The following NECAB1 variants were observed in gnomAD, a reference collection of about 807,000 sequenced individuals.
NECAB1 encodes the protein N-terminal EF-hand calcium binding protein 1.
NECAB1 carries 29 observed loss-of-function variants against 57.5 expected under a neutral mutation model. The ratio of observed to expected loss-of-function variants is 0.50; its 90% confidence interval spans 0.38 to 0.69. The LOEUF (loss-of-function observed/expected upper bound fraction) is 0.69. Ranked by LOEUF, NECAB1 falls within the 30% of genes least tolerant of loss-of-function variation. The pLI is 0.00. For synonymous variants in NECAB1, 142 were observed against 147.7 expected (o/e 0.96, Z 0.28); for missense variants, 372 against 413.8 (o/e 0.90, Z 0.88).
rs145315002 is a variant in NECAB1, at chr8:90,848,147, T to C, written c.233+23322T>C. Among the ~76,000 whole-genome samples the C allele has an allele frequency of 1.3e-3, 196 of 152,306 alleles. 3 individuals carry two copies. The highest frequency in any genetic ancestry group is 4.2e-3 in the African/African-American group (176 of 41,558). On this transcript the variant is annotated intron_variant, in intron 3 of 12. Transcript: ENST00000417640. ...TCTCCATCAGATACCCTAAATCATC[T>C]CTCTCAAGTTCAAAATTCCACATAT...
At chr8:90,866,026 T>A (rs1808506462) in intron 3 of NECAB1, among the ~76,000 whole-genome samples, 1 of 152,168 alleles carries the variant, frequency 6.6e-6, no homozygotes. Context: ...CAAATATAAT[T>A]CATGGAATTA....
At chr8:90,895,906 A>G (rs1329385156) in intron 5 of NECAB1, among the ~76,000 whole-genome samples, 2 of 152,208 alleles carry the variant, frequency 1.3e-5, no homozygotes, top group Non-Finnish European at 2.9e-5. Context: ...TCTCATGTAA[A>G]TCAGAGGCAC....
intron 2 of NECAB1, among the ~76,000 whole-genome samples, chr8:90,806,263 T>G (rs1811845352): frequency 6.6e-6 from 1 of 152,186 alleles, no homozygotes; most frequent in Non-Finnish European, 1.5e-5. Flanking sequence ...TCCTCAGGAC[T>G]TTAGTCCAAT....
At chr8:90,874,616 T>G (rs1463766606) in intron 4 of NECAB1, among the ~76,000 whole-genome samples, 1 of 152,228 alleles carries the variant, frequency 6.6e-6, no homozygotes, top group Non-Finnish European at 1.5e-5. Context: ...GAGATTATAC[T>G]ATATGATTAG....
rs542224580 is a variant in NECAB1, at chr8:90,917,787, T to G, written c.494+159T>G. On this transcript the variant is annotated intron_variant, in intron 6 of 12. Coordinates refer to ENST00000417640, the MANE Select transcript of NECAB1 (RefSeq NM_022351.5). ...TCCACTGGTTGCTTGCCTTATTATT[T>G]GCCTCTAAAAAGACCATTCTACTTT... Among the ~76,000 whole-genome samples, 34 of 145,324 alleles carry G rather than the reference T, an allele frequency of 2.3e-4. No homozygotes were observed. In the South Asian group the frequency reaches 6.6e-3, roughly 28 times the overall value.
chr8:90,956,630 A>C lies in NECAB1; in HGVS notation c.*1118A>C, dbSNP rs1197452265. On this transcript the variant is annotated 3_prime_UTR_variant, in exon 13 of 13. Coordinates refer to ENST00000417640, the MANE Select transcript of NECAB1 (RefSeq NM_022351.5). Reference sequence around the variant, plus strand: ...CTAATGAAAATACAATACATATAAAAATGTATAGCCATGTTATTTTCTAGT... The same window carrying C: ...CTAATGAAAATACAATACATATAAACATGTATAGCCATGTTATTTTCTAGT... The C allele has an allele frequency of 6.6e-6, 1 of 151,884 alleles. No homozygotes were observed. Among genetic ancestry groups the C allele is most frequent in the African/African-American group, 2.4e-5 (1 of 41,384 alleles). 9.4% of individuals were successfully genotyped at this position (151,884 alleles called of 1,614,324 possible). A position where few individuals can be genotyped will look rare whatever the true frequency, so the allele number is the denominator to read the frequency against.
chr8:90,794,671 C>T (rs1220615223), intron 1 of NECAB1, among the ~76,000 whole-genome samples: 5 of 152,166 alleles, frequency 3.3e-5, no homozygotes, highest in African/African-American at 1.2e-4. Flanking sequence ...CTCTCCAAAT[C>T]AGCAATAGTA....
At chr8:90,812,078 C>G (rs1433097303) in intron 2 of NECAB1, among the ~76,000 whole-genome samples, 2 of 152,156 alleles carry the variant, frequency 1.3e-5, no homozygotes, top group Non-Finnish European at 2.9e-5. Flanking sequence ...GCAAAATTAA[C>G]AGATGTTCCT....
intron 5 of NECAB1, among the ~76,000 whole-genome samples, chr8:90,913,062 G>A (rs1809865687): frequency 6.6e-6 from 1 of 152,112 alleles, no homozygotes; most frequent in Non-Finnish European, 1.5e-5. Context: ...TTTTCAAACA[G>A]GGAAGACTGA....
chr8:90,794,472 AC>A (rs1457095063), intron 1 of NECAB1, among the ~76,000 whole-genome samples: 5 of 152,148 alleles, frequency 3.3e-5, no homozygotes, highest in African/African-American at 1.2e-4. Context: ...TTTGAGGAAA[AC>A]TTTGATTTGC....
At chr8:90,947,268 G>A (rs148057690) in intron 10 of NECAB1, among the ~76,000 whole-genome samples, 1 of 131,866 alleles carries the variant, frequency 7.6e-6, no homozygotes, top group Non-Finnish European at 1.5e-5. Flanking sequence ...CAATAAAAGT[G>A]ATACTTTCCT....
At chr8:90,806,146 C>T (rs530166425) in intron 2 of NECAB1, among the ~76,000 whole-genome samples, 1 of 152,202 alleles carries the variant, frequency 6.6e-6, no homozygotes, top group Non-Finnish European at 1.5e-5. Flanking sequence ...TTGATTTGCA[C>T]TTGCTAAGGT....
chr8:90,916,945 A>G (rs1809967794), intron 5 of NECAB1, among the ~76,000 whole-genome samples: 1 of 152,230 alleles, frequency 6.6e-6, no homozygotes. Flanking sequence ...AACCATTTAA[A>G]TACTCCAATC....
chr8:90,940,998 A>C (rs1458105665), intron 10 of NECAB1, 100 bp downstream of exon 10: 13 of 837,618 alleles, frequency 1.6e-5, no homozygotes, highest in Non-Finnish European at 2.4e-5. Context: ...GAAGACAGAT[A>C]TTTGAGAATC....
chr8:90,815,858 A>G (rs919674450), intron 2 of NECAB1, among the ~76,000 whole-genome samples: 8 of 151,986 alleles, frequency 5.3e-5, no homozygotes, highest in Admixed American at 3.9e-4. Context: ...TTTTGTGATT[A>G]TGAACAAAGC....
At chr8:90,823,199 C>T (rs1398045654) in intron 2 of NECAB1, among the ~76,000 whole-genome samples, 1 of 151,772 alleles carries the variant, frequency 6.6e-6, no homozygotes, top group East Asian at 1.9e-4. Context: ...CCCAGAAGAT[C>T]GGGTCCCTAG....
intron 4 of NECAB1, among the ~76,000 whole-genome samples, chr8:90,875,349 C>T (rs1052287359): frequency 2.0e-5 from 3 of 150,912 alleles, no homozygotes; most frequent in African/African-American, 2.4e-5. Flanking sequence ...GGCGCGGTGG[C>T]GGGCGCCTGT....
intron 3 of NECAB1, among the ~76,000 whole-genome samples, chr8:90,866,460 A>G (rs973462952): frequency 1.5e-4 from 23 of 152,192 alleles, no homozygotes. Context: ...TGACTGAAAA[A>G]TATTCTTCTG....
intron 3 of NECAB1, among the ~76,000 whole-genome samples, chr8:90,851,575 G>GA (rs1232614085): frequency 6.6e-6 from 1 of 151,194 alleles, no homozygotes; most frequent in Non-Finnish European, 1.5e-5. Context: ...TGTGGGTATA[G>GA]AAAAAAAAGG....
Sources: allele counts gnomAD v4.1 joint callset (sites outside exome capture counted in the v4.1 genomes callset), GRCh38; gene constraint gnomAD v4.1.1; transcripts MANE v1.5; gene names NCBI Gene and HGNC (gene_info 2026-07-23, HGNC 2026-07-21).